Variants in RBFOX1 observed in about 807,000 individuals in gnomAD.
RBFOX1 encodes the protein RNA binding protein fox-1 homolog 1.
Under a neutral mutation model 57.7 loss-of-function variants are expected in RBFOX1, and 8 were observed. The observed-to-expected ratio is 0.14, with a 90% CI of 0.08 to 0.25. The LOEUF (loss-of-function observed/expected upper bound fraction) is 0.25. Among genes scored for constraint, RBFOX1 ranks in the 10% least tolerant of loss-of-function variants. The pLI is 1.00. For missense variants in RBFOX1, 611 were observed against 548.5 expected, an observed-to-expected ratio of 1.11 and a Z score of -1.14; for synonymous variants, 326 against 222.4, an observed-to-expected ratio of 1.47 and a Z score of -4.15.
At chr16:7,137,863 T>C (rs959037473) in intron 4 of RBFOX1, among the ~76,000 whole-genome samples, 2 of 152,238 alleles carry the variant, frequency 1.3e-5, no homozygotes, top group African/African-American at 4.8e-5. Context: ...GGCTGATTTT[T>C]ATTGAGCATC....
At chr16:5,659,648 G>T (rs531552318) in intron 3 of RBFOX1, among the ~76,000 whole-genome samples, 1 of 152,044 alleles carries the variant, frequency 6.6e-6, no homozygotes, top group African/African-American at 2.4e-5. Flanking sequence ...TTAAACCTGG[G>T]GTTAGTGGAT....
chr16:5,796,887 C>T (rs187859241), intron 3 of RBFOX1, among the ~76,000 whole-genome samples: 1 of 152,230 alleles, frequency 6.6e-6, no homozygotes, highest in East Asian at 1.9e-4. Flanking sequence ...GTTTGTTCAT[C>T]GATTATTTAC....
intron 3 of RBFOX1, among the ~76,000 whole-genome samples, chr16:7,021,226 C>T (rs186480387): frequency 1.4e-3 from 214 of 151,976 alleles, no homozygotes; most frequent in Non-Finnish European, 2.5e-3. Flanking sequence ...ATTGTTGTTT[C>T]TTATGTGTTG....
intron 3 of RBFOX1, among the ~76,000 whole-genome samples, chr16:5,740,956 G>A (rs770163169): frequency 1.3e-5 from 2 of 152,094 alleles, no homozygotes; most frequent in Non-Finnish European, 2.9e-5. Flanking sequence ...AGTTGGAGTG[G>A]GATCATGAGG....
intron 1 of RBFOX1, among the ~76,000 whole-genome samples, chr16:6,255,489 T>C (rs527250130): frequency 6.6e-6 from 1 of 152,210 alleles, no homozygotes; most frequent in Non-Finnish European, 1.5e-5. Flanking sequence ...GATGAGTGCA[T>C]GCATGGTGAT....
At chr16:7,277,679 G>A (rs2095467504) in intron 4 of RBFOX1, among the ~76,000 whole-genome samples, 1 of 152,016 alleles carries the variant, frequency 6.6e-6, no homozygotes, top group Non-Finnish European at 1.5e-5. Context: ...AGTCTACCAG[G>A]GCGGATACCC....
At chr16:7,666,002 AT>A (rs1165059915) in intron 13 of RBFOX1, among the ~76,000 whole-genome samples, 6 of 152,138 alleles carry the variant, frequency 3.9e-5, no homozygotes, top group Admixed American at 6.5e-5. Context: ...GTGGGTTAGT[AT>A]TTTTTCCCCC....
chr16:5,734,333 CA>C (rs2052494669), intron 3 of RBFOX1, among the ~76,000 whole-genome samples: 1 of 152,138 alleles, frequency 6.6e-6, no homozygotes, highest in Admixed American at 6.5e-5. Flanking sequence ...GATTCTGAGG[CA>C]GGAGGATCAC....
At chr16:6,939,721 G>T (rs937342599) in intron 3 of RBFOX1, among the ~76,000 whole-genome samples, 3 of 151,670 alleles carry the variant, frequency 2.0e-5, no homozygotes, top group African/African-American at 7.3e-5. Flanking sequence ...TATGTTGGCC[G>T]GGCTGGTCTC....
chr16:5,240,247 A>T (rs1156643249), intron 1 of RBFOX1: 18 of 699,002 alleles, frequency 2.6e-5, no homozygotes, highest in Admixed American at 4.0e-5. Context: ...GCGCGGAGTG[A>T]CAGCTCGTGA....
chr16:6,175,869 G>T (rs1415699302), intron 1 of RBFOX1, among the ~76,000 whole-genome samples: 1 of 152,148 alleles, frequency 6.6e-6, no homozygotes, highest in Non-Finnish European at 1.5e-5. Flanking sequence ...GGAGAGAGGA[G>T]AGCCTGAGGC....
chr16:7,053,800 G>T (rs2050933069), intron 4 of RBFOX1, among the ~76,000 whole-genome samples: 1 of 152,106 alleles, frequency 6.6e-6, no homozygotes, highest in Admixed American at 6.5e-5. Context: ...GGCTCCAATA[G>T]CCCCATCTCT....
chr16:6,079,273 T>C (rs1216592537), intron 1 of RBFOX1, among the ~76,000 whole-genome samples: 1 of 152,142 alleles, frequency 6.6e-6, no homozygotes, highest in Non-Finnish European at 1.5e-5. Flanking sequence ...GCCACTGCAC[T>C]GCAGCCTGGA....
intron 3 of RBFOX1, among the ~76,000 whole-genome samples, chr16:5,649,036 C>G (rs143233782): frequency 6.6e-6 from 1 of 151,422 alleles, no homozygotes; most frequent in African/African-American, 2.4e-5. Flanking sequence ...TGCACTCCAG[C>G]CTGAGAGACA....
intron 3 of RBFOX1, among the ~76,000 whole-genome samples, chr16:5,617,525 C>T (rs1008628897): frequency 1.3e-4 from 20 of 152,288 alleles, no homozygotes; most frequent in Non-Finnish European, 2.4e-4. Flanking sequence ...TACACAGTAG[C>T]GTCCATTGAA....
chr16:6,154,826 T>G (rs1011631969), intron 1 of RBFOX1, among the ~76,000 whole-genome samples: 7 of 152,226 alleles, frequency 4.6e-5, no homozygotes, highest in African/African-American at 1.7e-4. Flanking sequence ...AATAGCCTGT[T>G]CATTTGAATA....
At chr16:6,799,166 A>T (rs1053278079) in intron 3 of RBFOX1, among the ~76,000 whole-genome samples, 1 of 152,068 alleles carries the variant, frequency 6.6e-6, no homozygotes, top group Non-Finnish European at 1.5e-5. Context: ...TTTGCTCAGG[A>T]AAGAATTCAA....
At chr16:7,340,750 G>A (rs186342254) in intron 4 of RBFOX1, among the ~76,000 whole-genome samples, 6 of 152,276 alleles carry the variant, frequency 3.9e-5, no homozygotes, top group Admixed American at 6.5e-5. Context: ...CAAAGCACTC[G>A]AAGATGCTAG....
rs191420877 is a variant in RBFOX1 at position 6,341,164 on chromosome 16, A to C, written c.-64+24107A>C. 4.6e-3 allele frequency among the ~76,000 whole-genome samples: 704 copies of C among 152,282 alleles called. 12 individuals carry two copies. Among genetic ancestry groups the C allele is most frequent in the African/African-American group, 0.015 (630 of 41,562 alleles). ...TCTAACATGGGTCTTACTGAGCTAA[A>C]ATCAAGGTGTCAATGGGGCAGCATT... On this transcript the variant is annotated intron_variant, in intron 2 of 15. Transcript: ENST00000550418.
Sources: allele counts gnomAD v4.1 joint callset (sites outside exome capture counted in the v4.1 genomes callset), GRCh38; gene constraint gnomAD v4.1.1; transcripts MANE v1.5; gene names NCBI Gene and HGNC (gene_info 2026-07-23, HGNC 2026-07-21).